Variants in LRRC4C observed in about 807,000 individuals in gnomAD.
LRRC4C encodes the protein leucine-rich repeat-containing protein 4C.
LRRC4C carries 5 observed loss-of-function variants against 33.6 expected under a neutral mutation model. The observed-to-expected ratio is 0.15, with a 90% confidence interval of 0.08 to 0.31. The LOEUF is 0.31. LRRC4C is among the 10% of genes least tolerant of loss of function. LRRC4C has a pLI of 1.00. For synonymous variants in LRRC4C, 329 were observed against 302.0 expected, an observed-to-expected ratio of 1.09 and a Z score of -0.93; for missense variants, 560 against 796.7, an observed-to-expected ratio of 0.70 and a Z score of 3.58.
intron 3 of LRRC4C, among the ~76,000 whole-genome samples, chr11:40,431,021 G>A (rs1397763399): frequency 4.2e-4 from 61 of 144,828 alleles, no homozygotes; most frequent in Non-Finnish European, 5.4e-4. Context: ...TGGGTGCAGC[G>A]CACCAGCATG....
chr11:40,444,345 AT>A (rs1422826243), intron 3 of LRRC4C, among the ~76,000 whole-genome samples: 5 of 148,506 alleles, frequency 3.4e-5, no homozygotes, highest in Non-Finnish European at 7.5e-5. Flanking sequence ...TATTTATTTT[AT>A]TTTTTATTTT....
At chr11:40,273,837 G>T (rs186072947) in intron 4 of LRRC4C, among the ~76,000 whole-genome samples, 1 of 152,224 alleles carries the variant, frequency 6.6e-6, no homozygotes, top group East Asian at 1.9e-4. Context: ...TATGACTTTT[G>T]CTGAACACTA....
At chr11:41,322,950 A>G (rs1364144970) in intron 1 of LRRC4C, among the ~76,000 whole-genome samples, 2 of 152,200 alleles carry the variant, frequency 1.3e-5, no homozygotes, top group African/African-American at 4.8e-5. Flanking sequence ...TGCATTAACC[A>G]AAGAACATTA....
intron 1 of LRRC4C, among the ~76,000 whole-genome samples, chr11:41,078,561 G>C (rs750544641): frequency 2.0e-5 from 3 of 152,196 alleles, no homozygotes; most frequent in Non-Finnish European, 2.9e-5. Flanking sequence ...GCAGGAGAGA[G>C]AGCGAGCAAA....
chr11:40,930,817 G>T (rs973413638), intron 2 of LRRC4C, among the ~76,000 whole-genome samples: 6 of 151,952 alleles, frequency 3.9e-5, no homozygotes, highest in African/African-American at 1.4e-4. Flanking sequence ...TTTTTACTGG[G>T]GGCCAAAACA....
At chr11:41,180,173 T>C (rs753202047) in intron 1 of LRRC4C, among the ~76,000 whole-genome samples, 1 of 151,994 alleles carries the variant, frequency 6.6e-6, no homozygotes, top group Non-Finnish European at 1.5e-5. Flanking sequence ...GAAAAGAAGC[T>C]AAAAGGTCAA....
At chr11:40,412,587 CT>C (rs1410404788) in intron 3 of LRRC4C, among the ~76,000 whole-genome samples, 3 of 151,924 alleles carry the variant, frequency 2.0e-5, no homozygotes, top group African/African-American at 7.2e-5. Context: ...TTCTTTTTTT[CT>C]TTTGCCATTA....
At chr11:40,640,783 G>C (rs888413268) in intron 3 of LRRC4C, among the ~76,000 whole-genome samples, 1 of 152,184 alleles carries the variant, frequency 6.6e-6, no homozygotes, top group African/African-American at 2.4e-5. Context: ...GGAAGGCCAA[G>C]GTGGGCGGAT....
intron 2 of LRRC4C, among the ~76,000 whole-genome samples, chr11:40,686,570 G>A (rs1944966221): frequency 6.6e-6 from 1 of 152,094 alleles, no homozygotes; most frequent in Non-Finnish European, 1.5e-5. Flanking sequence ...CCAGAACTGT[G>A]GAGCTAAAGG....
At chr11:40,560,241 G>A (rs1479448245) in intron 3 of LRRC4C, among the ~76,000 whole-genome samples, 1 of 151,324 alleles carries the variant, frequency 6.6e-6, no homozygotes, top group Non-Finnish European at 1.5e-5. Context: ...CAAATACACA[G>A]AGCAAACATC....
Position 41,337,361 on chromosome 11 carries a change from A to C in LRRC4C, c.-496+122070T>G, listed in dbSNP as rs148328702. ...GCACCTGGAAAAAATTAAATCTTAA[A>C]GACAAACAAAACTTAACTGATTAGC... On this transcript the variant is annotated intron_variant, in intron 1 of 6. Transcript: ENST00000528697. Among the ~76,000 whole-genome samples the C allele has an allele frequency of 1.4e-3, 212 of 152,312 alleles. 1 individual carries two copies. Among genetic ancestry groups the C allele is most frequent in the African/African-American group, 4.9e-3 (203 of 41,574 alleles).
chr11:41,254,222 G>A (rs1015013283), intron 1 of LRRC4C, among the ~76,000 whole-genome samples: 2 of 151,942 alleles, frequency 1.3e-5, no homozygotes, highest in Admixed American at 6.6e-5. Flanking sequence ...ACTTATTTAG[G>A]TAGTACATGT....
chr11:41,084,664 C>A (rs983423409), intron 1 of LRRC4C, among the ~76,000 whole-genome samples: 1 of 152,074 alleles, frequency 6.6e-6, no homozygotes, highest in Non-Finnish European at 1.5e-5. Flanking sequence ...GCCTGGCCAA[C>A]ATGGTGAAAC....
intron 2 of LRRC4C, among the ~76,000 whole-genome samples, chr11:40,904,166 T>C (rs529194155): frequency 1.3e-5 from 2 of 152,258 alleles, no homozygotes; most frequent in African/African-American, 4.8e-5. Context: ...AGGTATTTTA[T>C]TGGGCTGGCA....
At chr11:40,199,554 TC>T (rs1199685830) in intron 5 of LRRC4C, among the ~76,000 whole-genome samples, 2 of 152,174 alleles carry the variant, frequency 1.3e-5, no homozygotes, top group Non-Finnish European at 2.9e-5. Context: ...CCCCTTTTCA[TC>T]CTTCATTTAG....
At chr11:40,760,412 CAA>C (rs35336371) in intron 2 of LRRC4C, among the ~76,000 whole-genome samples, 24 of 136,132 alleles carry the variant, frequency 1.8e-4, no homozygotes, top group Admixed American at 6.0e-4. Context: ...GGTCCTTTAC[CAA>C]AAAAAAAAAA....
intron 2 of LRRC4C, among the ~76,000 whole-genome samples, chr11:40,691,367 A>G (rs1945214620): frequency 6.6e-6 from 1 of 152,104 alleles, no homozygotes; most frequent in African/African-American, 2.4e-5. Context: ...CCAAGTATCC[A>G]ATTTCCTCTT....
chr11:40,621,334 T>C (rs1339613555), intron 3 of LRRC4C, among the ~76,000 whole-genome samples: 2 of 151,640 alleles, frequency 1.3e-5, no homozygotes, highest in African/African-American at 4.8e-5. Context: ...TCTCTAAGCT[T>C]AACTTTACCA....
intron 5 of LRRC4C, among the ~76,000 whole-genome samples, chr11:40,168,982 G>GT (rs577277286): frequency 1.4e-4 from 21 of 151,140 alleles, no homozygotes; most frequent in African/African-American, 4.1e-4. Context: ...CTTTACTTTA[G>GT]TTTTTTTTTC....
Sources: allele counts gnomAD v4.1 joint callset (sites outside exome capture counted in the v4.1 genomes callset), GRCh38; gene constraint gnomAD v4.1.1; transcripts MANE v1.5; gene names NCBI Gene and HGNC (gene_info 2026-07-23, HGNC 2026-07-21).